Variants in SLC6A2 observed in about 807,000 individuals in gnomAD.
The protein encoded by SLC6A2 is sodium-dependent noradrenaline transporter.
SLC6A2 carries 26 observed loss-of-function variants against 71.7 expected under a neutral mutation model. The observed-to-expected ratio is 0.36, with a 90% CI of 0.27 to 0.50. The LOEUF is 0.50. Ranked by LOEUF, SLC6A2 falls within the 20% of genes least tolerant of loss-of-function variation. The pLI is 0.96. For synonymous variants in SLC6A2, 363 were observed against 337.9 expected (o/e 1.07, Z -0.82); for missense variants, 581 against 803.9 (o/e 0.72, Z 3.35).
At chr16:55,671,664 G>A (rs541179671) in intron 3 of SLC6A2, 2 of 612,876 alleles carry the variant, frequency 3.3e-6, no homozygotes, top group East Asian at 2.8e-5. Flanking sequence ...GCGCATGCGA[G>A]GGATCTAGGT....
At chr16:55,680,471 C>A (rs751500612) in intron 4 of SLC6A2, among the ~76,000 whole-genome samples, 5 of 152,280 alleles carry the variant, frequency 3.3e-5, no homozygotes, top group Non-Finnish European at 4.4e-5. Flanking sequence ...TCGAGGGTAG[C>A]AAGCATCCAG....
Position 55,703,346 on chromosome 16 carries a change from C to G in SLC6A2, c.*1000C>G. 1.0e-6 allele frequency: 1 copy of G among 985,410 alleles called. No homozygotes were observed. The highest frequency in any genetic ancestry group is 1.2e-6 in the Non-Finnish European group (1 of 829,930). The allele number at this position is 985,410 out of a possible 1,614,324, so 61.0% of individuals were successfully genotyped here. ...GTGTTAATTTATTGTTCTTGCACAC[C>G]TGCACAGCCTCCCTCTGGGGATCCC... On this transcript the variant is annotated 3_prime_UTR_variant, in exon 15 of 15. Transcript: ENST00000568943.
At chr16:55,665,410 A>G (rs2142497994) in intron 2 of SLC6A2, among the ~76,000 whole-genome samples, 1 of 152,124 alleles carries the variant, frequency 6.6e-6, no homozygotes, top group South Asian at 2.1e-4. Flanking sequence ...AGTGTGGACC[A>G]AGGTTTTCTT....
At chr16:55,687,807 A>G (rs944502107) in intron 5 of SLC6A2, among the ~76,000 whole-genome samples, 2 of 152,218 alleles carry the variant, frequency 1.3e-5, no homozygotes, top group Admixed American at 1.3e-4. Context: ...TTCTGAGTAG[A>G]GTGGAGTATA....
Position 55,672,164 on chromosome 16 carries a change from C to T in SLC6A2, c.633C>T (p.Ala211=). ...KYSKYKFTPA[A]EFYERGVLHL... The stretch of plus-strand genomic sequence containing the variant: ...CCAAGTACAAGTTCACGCCGGCAGC[C>T]GAGTTTTATGAGTAAGTCACAGACC... The change falls in exon 4 of 15, where the codon GCC becomes GCT. Residue 211 remains alanine (A), a synonymous_variant. Coordinates refer to ENST00000568943, the MANE Select transcript of SLC6A2 (RefSeq NM_001172501.3). 1.2e-6 allele frequency: 2 copies of T among 1,614,134 alleles called. No individual in the cohort carries two copies. The highest frequency in any genetic ancestry group is 1.1e-5 in the South Asian group (1 of 91,080).
In SLC6A2 at chr16:55,671,973, G is replaced by A. The variant is rs1387138196; in HGVS notation, c.442G>A (p.Val148Ile). 1 of 1,613,994 alleles carries A rather than the reference G, an allele frequency of 6.2e-7. No individual in the cohort carries two copies. The highest frequency in any genetic ancestry group is 8.5e-7 in the Non-Finnish European group (1 of 1,180,032). ...TGCTGTCATCCTGATCGCCCTGTACGTTGGCTTCTACTACAACGTCATCAT... is the reference window on the plus strand; with the variant it reads ...TGCTGTCATCCTGATCGCCCTGTACATTGGCTTCTACTACAACGTCATCAT... The part of the protein sequence containing the change: ...GYAVILIALY[V>I]GFYYNVIIAW... The change falls in exon 4 of 15, where the codon GTT (valine) becomes ATT (isoleucine). Residue 148 changes from valine (V) to isoleucine (I), a missense_variant. This residue lies in a region of SLC6A2 where 81 missense variants were observed against 152.4 expected (regional missense o/e 0.53). Transcript: ENST00000568943.
intron 4 of SLC6A2, among the ~76,000 whole-genome samples, chr16:55,682,205 C>T (rs1222649866): frequency 6.6e-6 from 1 of 152,180 alleles, no homozygotes; most frequent in Non-Finnish European, 1.5e-5. Flanking sequence ...CCATGCCTGG[C>T]TATATAAGTC....
intron 3 of SLC6A2, 115 bp downstream of exon 3, chr16:55,669,811 AG>A: frequency 8.5e-7 from 1 of 1,176,964 alleles, no homozygotes; most frequent in Non-Finnish European, 1.2e-6. Context: ...TGGGATTCAC[AG>A]GTATTGACAA....
intron 5 of SLC6A2, among the ~76,000 whole-genome samples, chr16:55,686,113 A>G (rs1355943086): frequency 6.6e-6 from 1 of 152,194 alleles, no homozygotes; most frequent in Non-Finnish European, 1.5e-5. Flanking sequence ...ACTCAAAATA[A>G]CAACCATTCT....
At chr16:55,695,907 C>T (rs1965782434) in intron 8 of SLC6A2, among the ~76,000 whole-genome samples, 1 of 152,124 alleles carries the variant, frequency 6.6e-6, no homozygotes, top group Non-Finnish European at 1.5e-5. Flanking sequence ...TGGGGAAGGG[C>T]TACCTCTAAT....
In SLC6A2 at chr16:55,702,615, C is replaced by T. The variant is rs15534; in HGVS notation, c.*269C>T. ...CCCGCTGTTTTGGGGGAAGTCTCTC[C>T]CACTTTGGGATCCTGCTGAAGCTAG... On this transcript the variant is annotated 3_prime_UTR_variant, in exon 15 of 15. Transcript: ENST00000568943. 0.17 allele frequency: 234,524 copies of T among 1,389,152 alleles called. 21,543 individuals are homozygous for T. Among genetic ancestry groups the T allele is most frequent in the African/African-American group, 0.34 (23,265 of 68,580 alleles). 86.1% of individuals were successfully genotyped at this position (1,389,152 alleles called of 1,614,324 possible).
chr16:55,689,442 A>C (rs1351813334), intron 5 of SLC6A2, among the ~76,000 whole-genome samples: 5 of 152,240 alleles, frequency 3.3e-5, no homozygotes, highest in African/African-American at 9.6e-5. Flanking sequence ...ATGGCCAACA[A>C]ACATGGCCAA....
chr16:55,677,628 G>T (rs1360761924), intron 4 of SLC6A2, among the ~76,000 whole-genome samples: 8 of 151,972 alleles, frequency 5.3e-5, no homozygotes, highest in African/African-American at 1.9e-4. Flanking sequence ...GGCTGAAATG[G>T]TTGGGGGATG....
In SLC6A2 at chr16:55,703,652, T is replaced by G. The variant is rs1309279257; in HGVS notation, c.*1306T>G. 1.0e-6 allele frequency: 1 copy of G among 985,362 alleles called. No individual in the cohort carries two copies. The highest frequency in any genetic ancestry group is 1.2e-6 in the Non-Finnish European group (1 of 829,952). 61.0% of individuals were successfully genotyped at this position (985,362 alleles called of 1,614,324 possible). A position where few individuals can be genotyped will look rare whatever the true frequency, so the allele number is the denominator to read the frequency against. ...AATGATTCCTAGTTTGCTAAATTGG[T>G]GGCATCTTTGGGAGGGGTTTCTGTT... On this transcript the variant is annotated 3_prime_UTR_variant, in exon 15 of 15. Transcript: ENST00000568943.
Position 55,694,050 on chromosome 16 carries a change from G to A in SLC6A2, c.959G>A (p.Gly320Glu), listed in dbSNP as rs1480143603. The change falls in exon 7 of 15, where the codon GGG becomes GAG. Residue 320 changes from glycine (G) to glutamate (E), a missense_variant. Gly to Glu is a moderately conservative substitution (Grantham distance 98). Coordinates refer to ENST00000568943, the MANE Select transcript of SLC6A2 (RefSeq NM_001172501.3). Reference protein sequence around the residue: ...DAATQIFFSLGAGFGVLIAFA... With the variant: ...DAATQIFFSLEAGFGVLIAFA... ...GCAACTCAGATATTTTTTTCCTTGG[G>A]GGCTGGATTTGGAGTATTGATTGCA... 6.2e-7 allele frequency: 1 copy of A among 1,613,912 alleles called. No homozygotes were observed. The highest frequency in any genetic ancestry group is 1.1e-5 in the South Asian group (1 of 91,076).
chr16:55,657,780 T>G (rs183453790), intron 2 of SLC6A2, among the ~76,000 whole-genome samples: 24 of 152,226 alleles, frequency 1.6e-4, no homozygotes, highest in African/African-American at 5.8e-4. Flanking sequence ...ACTGGCCACC[T>G]GCCTGAAAAT....
intron 5 of SLC6A2, 129 bp downstream of exon 5, chr16:55,685,410 G>A (rs1397747010): frequency 2.0e-6 from 2 of 982,910 alleles, no homozygotes; most frequent in Non-Finnish European, 3.2e-6. Context: ...CTGGGTTCAA[G>A]CCCCTGTTCT....
rs150371206 is a variant in SLC6A2 at position 55,675,754 on chromosome 16, G to C, written c.644+3579G>C. Among the ~76,000 whole-genome samples, 1,154 of 151,002 alleles carry C rather than the reference G, an allele frequency of 7.6e-3. 15 individuals are homozygous for C. The highest frequency in any genetic ancestry group is 0.035 in the Admixed American group (533 of 15,134). On this transcript the variant is annotated intron_variant, in intron 4 of 14. Transcript: ENST00000568943. ...TAGACATGTGTGGCCAGTTGCTACT[G>C]TATTGGGCAGTGCAAAAAAGTGTGG...
At chr16:55,657,599 C>G (rs1333399018) in intron 2 of SLC6A2, among the ~76,000 whole-genome samples, 1 of 152,166 alleles carries the variant, frequency 6.6e-6, no homozygotes, top group African/African-American at 2.4e-5. Flanking sequence ...TGGAATCAGG[C>G]CAGTAGGTGC....
Sources: allele counts gnomAD v4.1 joint callset (sites outside exome capture counted in the v4.1 genomes callset), GRCh38; gene constraint gnomAD v4.1.1; regional missense constraint gnomAD v4.1.1; transcripts MANE v1.5; gene names NCBI Gene and HGNC (gene_info 2026-07-23, HGNC 2026-07-21).